Variants in RAB3C observed in about 807,000 individuals in gnomAD.
RAB3C encodes ras-related protein Rab-3C.
RAB3C carries 17 observed loss-of-function variants against 26.4 expected under a neutral mutation model. The observed-to-expected ratio is 0.64, with a 90% confidence interval of 0.44 to 0.97. The LOEUF is 0.97. RAB3C is among the 50% of genes least tolerant of loss of function. The pLI, the probability that RAB3C is intolerant of heterozygous loss-of-function variation, is 0.00. For missense variants in RAB3C, 242 were observed against 281.9 expected, an observed-to-expected ratio of 0.86 and a Z score of 1.01; for synonymous variants, 91 against 95.9, an observed-to-expected ratio of 0.95 and a Z score of 0.30.
In RAB3C at chr5:58,667,159, G is replaced by GA. The variant is rs1431199689; in HGVS notation, c.252+49290dup. Among the ~76,000 whole-genome samples, 305 of 152,218 alleles carry GA rather than the reference G, an allele frequency of 2.0e-3. 1 individual carries two copies. The highest frequency in any genetic ancestry group is 6.9e-3 in the African/African-American group (285 of 41,518). ...CAAATGAGAATTGGTTTTACGCACT[G>GA]ATGACACTAACAATGGGGGTAGGCC... On this transcript the variant is annotated intron_variant, in intron 2 of 4. Transcript: ENST00000282878.
At chr5:58,835,519 T>C (rs796587731) in intron 4 of RAB3C, among the ~76,000 whole-genome samples, 7 of 152,320 alleles carry the variant, frequency 4.6e-5, no homozygotes, top group African/African-American at 1.4e-4. Context: ...TCCTGTCCCA[T>C]CTCGACAGAC....
At chr5:58,591,600 AT>A (rs1472945737) in intron 1 of RAB3C, among the ~76,000 whole-genome samples, 9 of 148,068 alleles carry the variant, frequency 6.1e-5, no homozygotes, top group East Asian at 2.0e-4. Context: ...ATATATATAT[AT>A]ATATATAATT....
intron 2 of RAB3C, among the ~76,000 whole-genome samples, chr5:58,709,379 T>A (rs1749012382): frequency 6.6e-6 from 1 of 152,112 alleles, no homozygotes; most frequent in Non-Finnish European, 1.5e-5. Context: ...TCCAGAGGGG[T>A]AGCACCTCCT....
chr5:58,776,830 A>G (rs1236724462), intron 3 of RAB3C, among the ~76,000 whole-genome samples: 1 of 152,110 alleles, frequency 6.6e-6, no homozygotes, highest in Non-Finnish European at 1.5e-5. Context: ...GCCATTGTCA[A>G]TACCTTACCC....
At chr5:58,850,139 A>G (rs1744083554) in intron 4 of RAB3C, among the ~76,000 whole-genome samples, 1 of 152,220 alleles carries the variant, frequency 6.6e-6, no homozygotes, top group Non-Finnish European at 1.5e-5. Context: ...AAGCTCAGCC[A>G]GTGGAATGTG....
intron 3 of RAB3C, among the ~76,000 whole-genome samples, chr5:58,745,392 CAAAAA>C (rs1173604247): frequency 0.013 from 429 of 33,076 alleles, 1 homozygote; most frequent in African/African-American, 0.038. Flanking sequence ...GACTCTGCTT[CAAAAA>C]AAAAAAAAAA....
At chr5:58,848,903 C>T (rs1744057201) in intron 4 of RAB3C, among the ~76,000 whole-genome samples, 1 of 152,168 alleles carries the variant, frequency 6.6e-6, no homozygotes, top group African/African-American at 2.4e-5. Context: ...GTCTCCTTCT[C>T]AGCATGCTGA....
chr5:58,594,903 A>AACC (rs1746215738), intron 1 of RAB3C, among the ~76,000 whole-genome samples: 4 of 128,144 alleles, frequency 3.1e-5, no homozygotes, highest in Admixed American at 1.6e-4. Flanking sequence ...CTTACTAGAT[A>AACC]TTTTTAGGAG....
intron 2 of RAB3C, among the ~76,000 whole-genome samples, chr5:58,644,793 G>A (rs1747483946): frequency 6.6e-6 from 1 of 152,106 alleles, no homozygotes; most frequent in African/African-American, 2.4e-5. Context: ...ATGCACACTT[G>A]CAGAGCTACC....
At chr5:58,608,320 A>G (rs143975406) in intron 1 of RAB3C, among the ~76,000 whole-genome samples, 3,859 of 152,302 alleles carry the variant, frequency 0.025, 168 homozygotes, top group African/African-American at 0.087. Flanking sequence ...CAAAGAATCT[A>G]CAAAGAACTT....
intron 3 of RAB3C, among the ~76,000 whole-genome samples, chr5:58,789,316 C>T (rs756357897): frequency 8.6e-5 from 13 of 152,000 alleles, no homozygotes; most frequent in Admixed American, 4.6e-4. Context: ...AGATATAGTG[C>T]GTATATCTAC....
chr5:58,815,053 C>T (rs914589883), intron 3 of RAB3C, among the ~76,000 whole-genome samples: 25 of 152,086 alleles, frequency 1.6e-4, no homozygotes, highest in African/African-American at 5.6e-4. Context: ...TGCTTGCTTC[C>T]ACATGCAGCT....
chr5:58,697,601 G>A (rs867392639), intron 2 of RAB3C, among the ~76,000 whole-genome samples: 1 of 152,130 alleles, frequency 6.6e-6, no homozygotes, highest in African/African-American at 2.4e-5. Flanking sequence ...ATGAATCTGG[G>A]TGCTCCTGTA....
intron 2 of RAB3C, among the ~76,000 whole-genome samples, chr5:58,721,650 G>A (rs752588895): frequency 4.0e-5 from 6 of 151,476 alleles, no homozygotes; most frequent in African/African-American, 7.3e-5. Flanking sequence ...CTGATATAAC[G>A]GAAGAAAATG....
At chr5:58,813,633 T>TATACAC (rs1175890816) in intron 3 of RAB3C, among the ~76,000 whole-genome samples, 5 of 17,310 alleles carry the variant, frequency 2.9e-4, no homozygotes, top group Admixed American at 1.2e-3. Flanking sequence ...TATATATATA[T>TATACAC]ACACACACAC....
intron 3 of RAB3C, among the ~76,000 whole-genome samples, chr5:58,758,856 CT>C (rs572948810): frequency 9.7e-4 from 140 of 144,846 alleles, no homozygotes; most frequent in Middle Eastern, 3.5e-3. Context: ...GTTCCTTGGA[CT>C]TTTTTTTTTT....
At chr5:58,774,661 G>A (rs34882025) in intron 3 of RAB3C, among the ~76,000 whole-genome samples, 11 of 152,136 alleles carry the variant, frequency 7.2e-5, no homozygotes, top group Admixed American at 2.0e-4. Context: ...GAGTCTACTA[G>A]GGAGGGAGAG....
chr5:58,824,597 T>C (rs576739084), intron 3 of RAB3C, among the ~76,000 whole-genome samples: 1 of 152,312 alleles, frequency 6.6e-6, no homozygotes, highest in East Asian at 1.9e-4. Context: ...AAATATTGTT[T>C]TCGTGTGATG....
intron 3 of RAB3C, among the ~76,000 whole-genome samples, chr5:58,738,053 T>A (rs924928025): frequency 6.6e-6 from 1 of 152,198 alleles, no homozygotes; most frequent in Non-Finnish European, 1.5e-5. Flanking sequence ...ACAGCACAAA[T>A]GTCAGACATC....
Sources: gnomAD v4.1 joint callset for allele counts (sites outside exome capture counted in the v4.1 genomes callset) on GRCh38, gnomAD v4.1.1 for gene constraint, MANE v1.5 for transcripts, NCBI Gene and HGNC (gene_info 2026-07-23, HGNC 2026-07-21) for gene names.